The following SLC17A4 variants were observed in gnomAD, a reference collection of about 807,000 sequenced individuals.
SLC17A4 encodes the protein solute carrier family 17 member 4.
A neutral mutation model predicts 52.5 loss-of-function variants in SLC17A4; 33 were observed. The observed-to-expected ratio is 0.63, with a 90% CI of 0.48 to 0.84. The LOEUF is 0.84. Ranked by LOEUF, SLC17A4 falls within the 40% of genes least tolerant of loss-of-function variation. The probability of loss-of-function intolerance (pLI) is 0.00; values close to 1 mark genes in which losing one functional copy is unlikely to be tolerated. For missense variants in SLC17A4, 585 were observed against 597.1 expected, an observed-to-expected ratio of 0.98 and a Z score of 0.21; for synonymous variants, 225 against 216.2, an observed-to-expected ratio of 1.04 and a Z score of -0.36.
At chr6:25,769,256 G>T in intron 3 of SLC17A4, 66 bp downstream of exon 3, 1 of 1,416,754 alleles carries the variant, frequency 7.1e-7, no homozygotes, top group South Asian at 1.2e-5. Context: ...AGTTATAAAA[G>T]AGTGAGATTC....
At chr6:25,766,402 A>C (rs182713928) in intron 2 of SLC17A4, among the ~76,000 whole-genome samples, 1 of 152,264 alleles carries the variant, frequency 6.6e-6, no homozygotes. Context: ...TTCATATAGC[A>C]CTCTACCTTC....
At chr6:25,778,094 T>G (rs777996936) in intron 11 of SLC17A4, 78 bp downstream of exon 11, 6 of 1,059,578 alleles carry the variant, frequency 5.7e-6, no homozygotes, top group Non-Finnish European at 8.5e-6. Context: ...CACGGCCTTG[T>G]ATCCTAGAAG....
intron 1 of SLC17A4, 72 bp downstream of exon 1, chr6:25,754,853 A>G (rs971171581): frequency 6.6e-6 from 1 of 152,202 alleles, no homozygotes; most frequent in South Asian, 2.1e-4. Context: ...TGTTTCTGTT[A>G]GAGAGCAGCT....
intron 2 of SLC17A4, among the ~76,000 whole-genome samples, chr6:25,765,014 T>C (rs1452812819): frequency 1.3e-5 from 2 of 152,154 alleles, no homozygotes; most frequent in Non-Finnish European, 1.5e-5. Flanking sequence ...CCCACCCACA[T>C]ACACCACCAC....
chr6:25,775,373 T>C (rs1259216087), intron 8 of SLC17A4, among the ~76,000 whole-genome samples: 1 of 151,888 alleles, frequency 6.6e-6, no homozygotes. Flanking sequence ...CTTTCATTAC[T>C]GTTCCTAATC....
chr6:25,763,027 C>T (rs1761680605), intron 2 of SLC17A4, among the ~76,000 whole-genome samples: 1 of 152,170 alleles, frequency 6.6e-6, no homozygotes, highest in Admixed American at 6.5e-5. Flanking sequence ...CTTGAGTTTC[C>T]AATCCTGATT....
intron 2 of SLC17A4, among the ~76,000 whole-genome samples, chr6:25,766,903 A>G (rs930480605): frequency 2.0e-5 from 3 of 152,224 alleles, no homozygotes; most frequent in African/African-American, 7.2e-5. Context: ...GGCTCCCTAT[A>G]TGGGATTCTG....
intron 1 of SLC17A4, among the ~76,000 whole-genome samples, chr6:25,760,377 A>G (rs983678716): frequency 6.6e-6 from 1 of 152,076 alleles, no homozygotes; most frequent in Non-Finnish European, 1.5e-5. Flanking sequence ...GTGATCTTCT[A>G]TGGTATCTAT....
At chr6:25,763,340 G>A (rs1056560826) in intron 2 of SLC17A4, among the ~76,000 whole-genome samples, 4 of 152,144 alleles carry the variant, frequency 2.6e-5, no homozygotes, top group Non-Finnish European at 5.9e-5. Context: ...TACCTAATAA[G>A]GCAGAACCCC....
chr6:25,762,774 A>C (rs1049575912), intron 2 of SLC17A4, among the ~76,000 whole-genome samples: 1 of 152,234 alleles, frequency 6.6e-6, no homozygotes, highest in Non-Finnish European at 1.5e-5. Context: ...TGTGCATGTT[A>C]GTACTCAACC....
Position 25,770,070 on chromosome 6 carries a change from C to T in SLC17A4, c.301C>T (p.Pro101Ser), listed in dbSNP as rs776426818. 15 of 1,613,570 alleles carry T rather than the reference C, an allele frequency of 9.3e-6. No individual in the cohort carries two copies. Among genetic ancestry groups the T allele is most frequent in the East Asian group, 2.2e-5 (1 of 44,894 alleles). Reference sequence around the variant, plus strand: ...AGTAACTCTCTTTGTCATCTAGGCCCCTGCATATGACTGGAGTCCTGAAAT... The same window carrying T: ...AGTAACTCTCTTTGTCATCTAGGCCTCTGCATATGACTGGAGTCCTGAAAT... ...ETLKEFKAMA[P>S]AYDWSPEIQG... is the part of the protein sequence containing the mutation. The change falls in exon 4 of 12, where the codon CCT becomes TCT. Residue 101 changes from proline to serine, a missense_variant. Coordinates refer to ENST00000377905, the MANE Select transcript of SLC17A4 (RefSeq NM_005495.3).
rs1447772759 is a variant in SLC17A4 at position 25,776,513 on chromosome 6, T to C, written c.988-82T>C. 11 of 1,487,534 alleles carry C rather than the reference T, an allele frequency of 7.4e-6. No homozygotes were observed. The East Asian group carries it at 2.5e-4, about 34-fold the overall frequency. 92.1% of individuals were successfully genotyped at this position (1,487,534 alleles called of 1,614,324 possible). A position where few individuals can be genotyped will look rare whatever the true frequency, so the allele number is the denominator to read the frequency against. On this transcript the variant is annotated intron_variant, in intron 8 of 11. Coordinates refer to ENST00000377905, the MANE Select transcript of SLC17A4 (RefSeq NM_005495.3). ...TGCGTATATAAAGAAAAGCCACAAA[T>C]GTGGACAGTCTGTCCAAGGTTGTCT...
intron 10 of SLC17A4, 161 bp downstream of exon 10, chr6:25,777,120 C>G: frequency 2.5e-6 from 2 of 798,764 alleles, no homozygotes; most frequent in Admixed American, 6.1e-5. Flanking sequence ...GGAAGAGACT[C>G]AAAGCTGGTG....
intron 1 of SLC17A4, among the ~76,000 whole-genome samples, chr6:25,760,474 A>C (rs762738653): frequency 1.3e-5 from 2 of 152,120 alleles, no homozygotes; most frequent in Non-Finnish European, 2.9e-5. Context: ...CTCTAGCTTG[A>C]GACTCATTTT....
At position 25,770,584 on chromosome 6, in the gene SLC17A4, C is replaced by G. The variant is rs1762400339; in HGVS notation, c.619+113C>G. Reference sequence around the variant, plus strand: ...AATCTCTGTGTCTTCATAGTCCTTTCCTTAAAGCACTACCCCATACTGCCT... The same window carrying G: ...AATCTCTGTGTCTTCATAGTCCTTTGCTTAAAGCACTACCCCATACTGCCT... On this transcript the variant is annotated intron_variant, in intron 5 of 11. Coordinates refer to ENST00000377905, the MANE Select transcript of SLC17A4 (RefSeq NM_005495.3). 5.3e-6 allele frequency: 5 copies of G among 937,686 alleles called. No homozygotes were observed. In the Admixed American group the frequency reaches 9.3e-5, roughly 17 times the overall value. The allele number at this position is 937,686 out of a possible 1,614,324, so 58.1% of individuals were successfully genotyped here.
At chr6:25,777,527 A>G (rs1763025098) in intron 10 of SLC17A4, 2 of 164,794 alleles carry the variant, frequency 1.2e-5, no homozygotes, top group African/African-American at 4.8e-5. Context: ...CACGGAGGGT[A>G]TAAAAGTTAC....
intron 1 of SLC17A4, among the ~76,000 whole-genome samples, chr6:25,758,880 G>A (rs1173056924): frequency 6.6e-6 from 1 of 152,082 alleles, no homozygotes; most frequent in African/African-American, 2.4e-5. Context: ...TCCTTGAGGT[G>A]TAAACTTAGA....
Position 25,770,184 on chromosome 6 carries a change from T to A in SLC17A4, c.415T>A (p.Tyr139Asn), listed in dbSNP as rs754273256. 4.3e-6 allele frequency: 7 copies of A among 1,614,110 alleles called. No individual in the cohort carries two copies. The highest frequency in any genetic ancestry group is 5.9e-6 in the Non-Finnish European group (7 of 1,179,986). The change falls in exon 4 of 12, where the codon TAT (tyrosine) becomes AAT (asparagine). Residue 139 changes from tyrosine to asparagine, a missense_variant. Physicochemically the swap from Tyr to Asn is moderately radical, Grantham distance 143. Coordinates refer to ENST00000377905, the MANE Select transcript of SLC17A4 (RefSeq NM_005495.3). The part of the protein sequence containing the change: ...GYVAGIFGAK[Y>N]VVGAGLFISS... ...TGTGGCTGGAATATTTGGAGCCAAG[T>A]ATGTGGTTGGTGCTGGCTTGTTTAT...
At chr6:25,776,515 T>C in intron 8 of SLC17A4, 80 bp from the exon 9 acceptor site, 1 of 1,498,980 alleles carries the variant, frequency 6.7e-7, no homozygotes, top group Non-Finnish European at 8.9e-7. Context: ...GCCACAAATG[T>C]GGACAGTCTG....
Sources: allele counts gnomAD v4.1 joint callset (sites outside exome capture counted in the v4.1 genomes callset), GRCh38; gene constraint gnomAD v4.1.1; transcripts MANE v1.5; gene names NCBI Gene and HGNC (gene_info 2026-07-23, HGNC 2026-07-21).